MFAP4: variants seen among roughly 807,000 people sequenced by gnomAD.
MFAP4 encodes microfibril-associated glycoprotein 4.
In MFAP4, 20 loss-of-function variants were observed where a neutral mutation model predicts 32.4. The observed-to-expected ratio is 0.62, with a 90% CI of 0.43 to 0.90. The LOEUF is 0.90. Ranked by LOEUF, MFAP4 falls within the 40% of genes least tolerant of loss-of-function variation. The pLI is 0.00. For synonymous variants in MFAP4, 146 were observed against 137.4 expected (o/e 1.06, Z -0.44); for missense variants, 267 against 329.5 (o/e 0.81, Z 1.47).
intron 2 of MFAP4, 92 bp from the exon 3 acceptor site, chr17:19,386,556 T>TG: frequency 1.4e-6 from 2 of 1,419,196 alleles, no homozygotes; most frequent in Non-Finnish European, 1.9e-6. Flanking sequence ...TCCCTGGGGC[T>TG]GGGGGACTTT....
chr17:19,384,581 G>A lies in MFAP4; in HGVS notation c.649C>T (p.Leu217Phe). ...FWFRSCHFAN[L>F]NGFYLGGSHL... ...GAGCCACCTAGGTAGAAGCCATTGA[G>A]GTTGGCAAAGTGGCAGCTGCGGAAC... is the stretch of plus-strand genomic sequence containing the variant. The change falls in exon 6 of 6, where the codon CTC (leucine) becomes TTC (phenylalanine). Residue 217 changes from leucine (L) to phenylalanine (F), a missense_variant. Transcript: ENST00000299610. 6.2e-7 allele frequency: 1 copy of A among 1,614,178 alleles called. No individual in the cohort carries two copies. Among genetic ancestry groups the A allele is most frequent in the Non-Finnish European group, 8.5e-7 (1 of 1,180,022 alleles).
intron 5 of MFAP4, 81 bp downstream of exon 5, chr17:19,385,018 G>A: frequency 1.3e-6 from 2 of 1,494,756 alleles, no homozygotes; most frequent in South Asian, 2.6e-5. Flanking sequence ...GGGGCCTGAA[G>A]GAGGTTGGGG....
chr17:19,384,276 G>A lies in MFAP4; in HGVS notation c.*186C>T. Reference sequence around the variant, plus strand: ...GTAACTTCAGGTGTAGGGGAGCCGGGTCTGGCTTAGGAATGGATGCCCTGG... The same window carrying A: ...GTAACTTCAGGTGTAGGGGAGCCGGATCTGGCTTAGGAATGGATGCCCTGG... On this transcript the variant is annotated 3_prime_UTR_variant, in exon 6 of 6. Transcript: ENST00000299610. 4 of 681,210 alleles carry A rather than the reference G, an allele frequency of 5.9e-6. No individual in the cohort carries two copies. Among genetic ancestry groups the A allele is most frequent in the Non-Finnish European group, 2.4e-6 (1 of 413,604 alleles). The allele number at this position is 681,210 out of a possible 1,614,324, so 42.2% of individuals were successfully genotyped here.
rs1912994675 is a variant in MFAP4, at chr17:19,385,372, C to A, written c.323G>T (p.Gly108Val). The change falls in exon 4 of 6, where the codon GGA becomes GTA. Residue 108 changes from glycine (G) to valine (V), a missense_variant. This residue lies in a region of MFAP4 where 223 missense variants were observed against 253.3 expected (regional missense o/e 0.88). Transcript: ENST00000299610. The part of the protein sequence containing the change: ...DYKLGFGRAD[G>V]EYWLGLQNMH... ...CCCTGCCTTACCCAGCCAGTACTCTCCATCAGCACGGCCGAAGCCCAGCTT... is the reference window on the plus strand; with the variant it reads ...CCCTGCCTTACCCAGCCAGTACTCTACATCAGCACGGCCGAAGCCCAGCTT... 3.1e-6 allele frequency: 5 copies of A among 1,614,258 alleles called. No individual in the cohort carries two copies. The highest frequency in any genetic ancestry group is 4.2e-6 in the Non-Finnish European group (5 of 1,180,038).
At position 19,385,130 on chromosome 17, in the gene MFAP4, G is replaced by T; in HGVS notation, c.489C>A (p.Leu163=). Residue 163 remains leucine (L), a synonymous_variant, in exon 5 of 6, where the codon CTC becomes CTA. Transcript: ENST00000299610. ...AVSAEEDGYT[L]FVAGFEDGGA... ...CGCCATCCTCAAAGCCTGCCACAAAGAGGGTGTAGCCATCCTCCTCTGCGC... is the reference window on the plus strand; with the variant it reads ...CGCCATCCTCAAAGCCTGCCACAAATAGGGTGTAGCCATCCTCCTCTGCGC... 6.2e-7 allele frequency: 1 copy of T among 1,614,214 alleles called. No homozygotes were observed. Among genetic ancestry groups the T allele is most frequent in the Non-Finnish European group, 8.5e-7 (1 of 1,179,998 alleles).
chr17:19,385,280 C>T lies in MFAP4; in HGVS notation c.339G>A (p.Gly113=). 6.2e-7 allele frequency: 1 copy of T among 1,614,260 alleles called. No homozygotes were observed. Among genetic ancestry groups the T allele is most frequent in the Non-Finnish European group, 8.5e-7 (1 of 1,180,036 alleles). The change falls in exon 5 of 6, where the codon GGG becomes GGA. Residue 113 remains glycine, a splice_region_variant and synonymous_variant. Coordinates refer to ENST00000299610, the MANE Select transcript of MFAP4 (RefSeq NM_002404.3). ...FGRADGEYWL[G]LQNMHLLTLK... is the part of the protein sequence containing the mutation. Reference sequence around the variant, plus strand: ...GTGTCAGGAGGTGCATGTTCTGCAGCCCTGGGGAGGAGGGGCAGCTGGTCA... The same window carrying T: ...GTGTCAGGAGGTGCATGTTCTGCAGTCCTGGGGAGGAGGGGCAGCTGGTCA...
At position 19,385,295 on chromosome 17, in the gene MFAP4, G is replaced by T. The variant is rs771879207; in HGVS notation, c.338-14C>A. ...TGTTCTGCAGCCCTGGGGAGGAGGG[G>T]CAGCTGGTCAACAAGGACCTGGCCC... On this transcript the variant is annotated splice_polypyrimidine_tract_variant and intron_variant, in intron 4 of 5. Coordinates refer to ENST00000299610, the MANE Select transcript of MFAP4 (RefSeq NM_002404.3). The T allele has an allele frequency of 6.2e-7, 1 of 1,614,208 alleles. No individual in the cohort carries two copies. The highest frequency in any genetic ancestry group is 1.1e-5 in the South Asian group (1 of 91,092).
chr17:19,385,559 TG>T, intron 3 of MFAP4, 105 bp from the exon 4 acceptor site: 1 of 1,057,204 alleles, frequency 9.5e-7, no homozygotes, highest in Non-Finnish European at 1.4e-6. Flanking sequence ...GTGGCCAGTT[TG>T]TTAAAGGACT....
rs1050527148 is a variant in MFAP4 at position 19,386,794 on chromosome 17, C to T, written c.51G>A (p.Pro17=). ...GGATCCCGGAGACCTGGGGGGCACA[C>T]GGGGGCGTGGAGAGAAGCAGCAGCA... is the stretch of plus-strand genomic sequence containing the variant. ...LPLLLLLSTP[P]CAPQVSGIRG... The change falls in exon 2 of 6, where the codon CCG becomes CCA. Residue 17 remains proline (P), a synonymous_variant. Transcript: ENST00000299610. The T allele has an allele frequency of 1.0e-5, 16 of 1,577,464 alleles. No homozygotes were observed. The highest frequency in any genetic ancestry group is 9.3e-5 in the East Asian group (4 of 42,982).
intron 3 of MFAP4, 34 bp downstream of exon 3, chr17:19,386,276 C>A: frequency 6.6e-7 from 1 of 1,522,596 alleles, no homozygotes; most frequent in East Asian, 2.4e-5. Context: ...GGGATTAGAA[C>A]CAGCTCTGGC....
In MFAP4 at chr17:19,384,165, G is replaced by A; in HGVS notation, c.*297C>T. 4.9e-6 allele frequency: 2 copies of A among 408,186 alleles called. No individual in the cohort carries two copies. Among genetic ancestry groups the A allele is most frequent in the Middle Eastern group, 7.3e-4 (1 of 1,370 alleles). The allele number at this position is 408,186 out of a possible 1,614,324, so 25.3% of individuals were successfully genotyped here. A position where few individuals can be genotyped will look rare whatever the true frequency, so the allele number is the denominator to read the frequency against. On this transcript the variant is annotated 3_prime_UTR_variant, in exon 6 of 6. Coordinates refer to ENST00000299610, the MANE Select transcript of MFAP4 (RefSeq NM_002404.3). The stretch of plus-strand genomic sequence containing the variant: ...TGGCTGTCAGCTGTTGGGACAGGTT[G>A]GAGGCAACTCATTCTCATGGAGCCC...
In MFAP4 at chr17:19,386,982, C is replaced by G. The variant is rs182093963; in HGVS notation, c.7-144G>C. Reference sequence around the variant, plus strand: ...CTATTTGGCCCCTCTTCCCTGCCCCCCCACCCCGCCCGCCAAGTAACCCCA... The same window carrying G: ...CTATTTGGCCCCTCTTCCCTGCCCCGCCACCCCGCCCGCCAAGTAACCCCA... On this transcript the variant is annotated intron_variant, in intron 1 of 5. Coordinates refer to ENST00000299610, the MANE Select transcript of MFAP4 (RefSeq NM_002404.3). The G allele has an allele frequency of 1.4e-5, 12 of 856,636 alleles. 1 individual carries two copies. The highest frequency in any genetic ancestry group is 5.4e-5 in the East Asian group (2 of 37,050). The allele number at this position is 856,636 out of a possible 1,614,324, so 53.1% of individuals were successfully genotyped here.
At position 19,383,778 on chromosome 17, in the gene MFAP4, G is replaced by A. The variant is rs1317649304; in HGVS notation, c.*684C>T. 6.5e-6 allele frequency: 1 copy of A among 154,772 alleles called. No individual in the cohort carries two copies. The highest frequency in any genetic ancestry group is 1.4e-5 in the Non-Finnish European group (1 of 69,860). The allele number at this position is 154,772 out of a possible 1,614,324, so 9.6% of individuals were successfully genotyped here. On this transcript the variant is annotated 3_prime_UTR_variant, in exon 6 of 6. Coordinates refer to ENST00000299610, the MANE Select transcript of MFAP4 (RefSeq NM_002404.3). ...CTCAACACCCAGAGGGTATGGGGAA[G>A]ACCTCATATGCATGCCTACCTTGGC...
At position 19,385,223 on chromosome 17, in the gene MFAP4, C is replaced by A. The variant is rs1359416946; in HGVS notation, c.396G>T (p.Leu132Phe). 1 of 1,614,172 alleles carries A rather than the reference C, an allele frequency of 6.2e-7. No individual in the cohort carries two copies. The change falls in exon 5 of 6, where the codon TTG becomes TTT. Residue 132 changes from leucine (L) to phenylalanine (F), a missense_variant. This residue lies in a region of MFAP4 where 223 missense variants were observed against 253.3 expected (regional missense o/e 0.88). Transcript: ENST00000299610. Reference protein sequence around the residue: ...LKQKYELRVDLEDFENNTAYA... With the variant: ...LKQKYELRVDFEDFENNTAYA... ...AGGCCGTGTTGTTCTCAAAGTCCTCCAAGTCCACTCGCAGCTCATACTTCT... is the reference window on the plus strand; with the variant it reads ...AGGCCGTGTTGTTCTCAAAGTCCTCAAAGTCCACTCGCAGCTCATACTTCT...
At chr17:19,386,719 CCT>C in intron 2 of MFAP4, 39 bp downstream of exon 2, 1 of 1,548,004 alleles carries the variant, frequency 6.5e-7, no homozygotes, top group Admixed American at 2.0e-5. Flanking sequence ...TCTTGCACAA[CCT>C]GTGGGCCAGG....
At chr17:19,386,887 A>G in intron 1 of MFAP4, 49 bp from the exon 2 acceptor site, 2 of 1,530,664 alleles carry the variant, frequency 1.3e-6, no homozygotes, top group East Asian at 2.4e-5. Flanking sequence ...AGCTCCAGAG[A>G]TCCCCTGTTC....
intron 3 of MFAP4, 80 bp downstream of exon 3, chr17:19,386,230 G>T: frequency 7.7e-7 from 1 of 1,294,470 alleles, no homozygotes. Flanking sequence ...TGAAGAAACT[G>T]AGGTTCGCAT....
Position 19,386,346 on chromosome 17 carries a change from G to T in MFAP4, c.204C>A (p.Val68=). 1 of 1,612,580 alleles carries T rather than the reference G, an allele frequency of 6.2e-7. No individual in the cohort carries two copies. Among genetic ancestry groups the T allele is most frequent in the Non-Finnish European group, 8.5e-7 (1 of 1,179,398 alleles). ...CGCCCTCGGTGGTCATGTCACAGAA[G>T]ACGGGCACAGGCACACTGGGGCCCG... ...YPSGPSVPVP[V]FCDMTTEGGK... The change falls in exon 3 of 6, where the codon GTC becomes GTA. Residue 68 remains valine, a synonymous_variant. Coordinates refer to ENST00000299610, the MANE Select transcript of MFAP4 (RefSeq NM_002404.3).
In MFAP4 at chr17:19,386,801, G is replaced by T. The variant is rs369216051; in HGVS notation, c.44C>A (p.Thr15Lys). 6.3e-7 allele frequency: 1 copy of T among 1,576,546 alleles called. No homozygotes were observed. Residue 15 changes from threonine to lysine, a missense_variant, in exon 2 of 6, where the codon ACG becomes AAG. Physicochemically the swap from Thr to Lys is moderately conservative, Grantham distance 78 (BLOSUM62 -1). This residue lies in a region of MFAP4 where 223 missense variants were observed against 253.3 expected (regional missense o/e 0.88). Transcript: ENST00000299610. Reference protein sequence around the residue: ...LALPLLLLLSTPPCAPQVSGI... With the variant: ...LALPLLLLLSKPPCAPQVSGI... ...GGAGACCTGGGGGGCACACGGGGGCGTGGAGAGAAGCAGCAGCAGCGGCAG... is the reference window on the plus strand; with the variant it reads ...GGAGACCTGGGGGGCACACGGGGGCTTGGAGAGAAGCAGCAGCAGCGGCAG...
Sources: gnomAD v4.1 joint callset for allele counts on GRCh38, gnomAD v4.1.1 for gene constraint, gnomAD v4.1.1 regional missense constraint, MANE v1.5 for transcripts, NCBI Gene and HGNC (gene_info 2026-07-23, HGNC 2026-07-21) for gene names.